The following MTUS2 variants were observed in gnomAD, a reference collection of about 807,000 sequenced individuals.
MTUS2 encodes microtubule-associated tumor suppressor candidate 2.
In MTUS2, 40 loss-of-function variants were observed where a neutral mutation model predicts 114.1. That is an observed-to-expected ratio of 0.35 (90% confidence interval 0.27 to 0.46). MTUS2 has a LOEUF of 0.46. Among genes scored for constraint, MTUS2 ranks in the 20% least tolerant of loss-of-function variants. The pLI is 1.00. For missense variants in MTUS2, 1,679 were observed against 1,705.4 expected (o/e 0.98, Z 0.27); for synonymous variants, 688 against 672.0 (o/e 1.02, Z -0.37).
intron 2 of MTUS2, among the ~76,000 whole-genome samples, chr13:28,879,469 C>T (rs1878157390): frequency 6.6e-6 from 1 of 152,118 alleles, no homozygotes; most frequent in South Asian, 2.1e-4. Flanking sequence ...GGGGGGGCTC[C>T]ATTTTACTTT....
chr13:29,312,239 A>G (rs562167602), intron 6 of MTUS2, among the ~76,000 whole-genome samples: 2 of 152,304 alleles, frequency 1.3e-5, no homozygotes, highest in East Asian at 3.9e-4. Flanking sequence ...ACTTATTTAC[A>G]TGTCCCACTA....
At chr13:29,203,136 G>C (rs1423539827) in intron 5 of MTUS2, among the ~76,000 whole-genome samples, 3 of 152,228 alleles carry the variant, frequency 2.0e-5, no homozygotes, top group Admixed American at 1.3e-4. Context: ...CAGATGCTCT[G>C]TCTCAGGGAG....
At chr13:28,938,863 G>C (rs575966705) in intron 2 of MTUS2, among the ~76,000 whole-genome samples, 1 of 152,202 alleles carries the variant, frequency 6.6e-6, no homozygotes, top group Admixed American at 6.5e-5. Flanking sequence ...ACTTTAAAAT[G>C]AGAATCCATA....
intron 6 of MTUS2, among the ~76,000 whole-genome samples, chr13:29,314,704 C>A (rs1457835837): frequency 6.6e-6 from 1 of 152,194 alleles, no homozygotes. Flanking sequence ...CAAGATACTA[C>A]TGGGTGGTTT....
intron 5 of MTUS2, among the ~76,000 whole-genome samples, chr13:29,129,584 G>A (rs1443579302): frequency 7.5e-5 from 9 of 120,058 alleles, no homozygotes; most frequent in African/African-American, 2.4e-4. Flanking sequence ...TGATATATTT[G>A]TTCATATTTA....
intron 9 of MTUS2, among the ~76,000 whole-genome samples, chr13:29,474,113 C>G (rs1225590331): frequency 6.6e-6 from 1 of 152,202 alleles, no homozygotes; most frequent in Non-Finnish European, 1.5e-5. Context: ...GTAAGCATCA[C>G]CTCTCATTTT....
intron 4 of MTUS2, among the ~76,000 whole-genome samples, chr13:29,070,081 C>G (rs560068587): frequency 5.9e-5 from 9 of 152,286 alleles, no homozygotes; most frequent in African/African-American, 2.2e-4. Context: ...GATGGAATCT[C>G]ATGCTGGAGA....
intron 4 of MTUS2, among the ~76,000 whole-genome samples, chr13:29,090,429 AG>A (rs1376629142): frequency 1.3e-5 from 2 of 152,178 alleles, no homozygotes; most frequent in Non-Finnish European, 2.9e-5. Context: ...TGGGGGCTGC[AG>A]GAGAGTACAC....
intron 6 of MTUS2, among the ~76,000 whole-genome samples, chr13:29,316,190 T>C (rs920983101): frequency 6.6e-6 from 1 of 152,164 alleles, no homozygotes; most frequent in Non-Finnish European, 1.5e-5. Flanking sequence ...GGGCCTCATG[T>C]TCTAGTGGGG....
intron 4 of MTUS2, among the ~76,000 whole-genome samples, chr13:29,095,189 GATCT>G (rs1890126102): frequency 6.6e-6 from 1 of 152,032 alleles, no homozygotes. Context: ...TTAGTGTTCA[GATCT>G]TCTATTTTCT....
At chr13:29,371,269 G>A (rs1165410050) in intron 8 of MTUS2, among the ~76,000 whole-genome samples, 1 of 149,288 alleles carries the variant, frequency 6.7e-6, no homozygotes, top group Non-Finnish European at 1.5e-5. Context: ...CCAGGCTGGA[G>A]TGCAGTGGTG....
At chr13:29,255,019 T>G (rs1442992276) in intron 5 of MTUS2, among the ~76,000 whole-genome samples, 2 of 152,206 alleles carry the variant, frequency 1.3e-5, no homozygotes, top group African/African-American at 2.4e-5. Flanking sequence ...ACCCTGTGAT[T>G]TTTTCCTGAA....
At chr13:29,466,561 T>C (rs1325239480) in intron 9 of MTUS2, among the ~76,000 whole-genome samples, 2 of 152,132 alleles carry the variant, frequency 1.3e-5, no homozygotes, top group Non-Finnish European at 2.9e-5. Context: ...TTAAAAGCCA[T>C]AAACTGATGA....
chr13:29,478,884 A>C (rs542610046), intron 9 of MTUS2, among the ~76,000 whole-genome samples: 2 of 152,314 alleles, frequency 1.3e-5, no homozygotes, highest in Admixed American at 1.3e-4. Context: ...CACCCTTCAC[A>C]CAAGGGCAAG....
Position 29,459,967 on chromosome 13 carries a change from T to G in MTUS2, c.3184+19918T>G, listed in dbSNP as rs548676433. 2.0e-5 allele frequency among the ~76,000 whole-genome samples: 3 copies of G among 152,198 alleles called. No individual in the cohort carries two copies. The East Asian group carries it at 5.8e-4, about 29-fold the overall frequency. On this transcript the variant is annotated intron_variant, in intron 9 of 15. Transcript: ENST00000612955. ...CTTCCTGGAAGACTCAAGTCCACCA[T>G]CCCCTCTGTCACACCCTCCCTGGGC...
intron 4 of MTUS2, among the ~76,000 whole-genome samples, chr13:29,097,472 C>T (rs1414301496): frequency 6.6e-6 from 1 of 152,132 alleles, no homozygotes; most frequent in Non-Finnish European, 1.5e-5. Flanking sequence ...TTATTATGCA[C>T]TTGTAACATT....
intron 2 of MTUS2, among the ~76,000 whole-genome samples, chr13:28,864,685 C>G (rs1877190549): frequency 6.6e-6 from 1 of 152,182 alleles, no homozygotes; most frequent in African/African-American, 2.4e-5. Context: ...AAATACCCCA[C>G]TCAGATTCTT....
intron 5 of MTUS2, among the ~76,000 whole-genome samples, chr13:29,133,393 T>C (rs1297029693): frequency 6.6e-6 from 1 of 152,228 alleles, no homozygotes; most frequent in Non-Finnish European, 1.5e-5. Flanking sequence ...TTTTATTGTC[T>C]GTGCTTTCAG....
chr13:29,047,395 C>T (rs1392860728), intron 4 of MTUS2, among the ~76,000 whole-genome samples: 1 of 152,134 alleles, frequency 6.6e-6, no homozygotes, highest in Non-Finnish European at 1.5e-5. Context: ...TGTTTTGATG[C>T]CGGCATTTTG....
Sources: allele counts gnomAD v4.1 joint callset (sites outside exome capture counted in the v4.1 genomes callset), GRCh38; gene constraint gnomAD v4.1.1; transcripts MANE v1.5; gene names NCBI Gene and HGNC (gene_info 2026-07-23, HGNC 2026-07-21).